The following ABI2 variants were observed in gnomAD, a reference collection of about 807,000 sequenced individuals.
The protein encoded by ABI2 is abl interactor 2.
A neutral mutation model predicts 59.2 loss-of-function variants in ABI2; 25 were observed. That is an observed-to-expected ratio of 0.42 (90% CI 0.31 to 0.59). ABI2 has a LOEUF of 0.59. Among genes scored for constraint, ABI2 ranks in the 20% least tolerant of loss-of-function variants. The probability of loss-of-function intolerance (pLI) is 0.14; values close to 1 mark genes in which losing one functional copy is unlikely to be tolerated. For synonymous variants in ABI2, 213 were observed against 235.5 expected, an observed-to-expected ratio of 0.90 and a Z score of 0.87; for missense variants, 545 against 681.8, an observed-to-expected ratio of 0.80 and a Z score of 2.23.
At chr2:203,426,605 C>T (rs1385294694) in intron 11 of ABI2, among the ~76,000 whole-genome samples, 1 of 151,864 alleles carries the variant, frequency 6.6e-6, no homozygotes, top group African/African-American at 2.4e-5. Flanking sequence ...TAGCGGACTC[C>T]CATCATTCAT....
At chr2:203,355,182 T>C in intron 1 of ABI2, 1 of 413,346 alleles carries the variant, frequency 2.4e-6, no homozygotes, top group Non-Finnish European at 5.0e-6. Context: ...GCATATCCTC[T>C]GGTGCTTCCT....
At chr2:203,356,432 G>A (rs2091998017) in intron 1 of ABI2, among the ~76,000 whole-genome samples, 1 of 152,108 alleles carries the variant, frequency 6.6e-6, no homozygotes, top group African/African-American at 2.4e-5. Flanking sequence ...GCATTGGCGT[G>A]ATCTTGGCTC....
intron 1 of ABI2, among the ~76,000 whole-genome samples, chr2:203,350,917 A>AT (rs1163519564): frequency 4.6e-5 from 7 of 151,566 alleles, no homozygotes; most frequent in African/African-American, 1.7e-4. Flanking sequence ...TTTAGGTGTT[A>AT]TATATAAGAA....
intron 1 of ABI2, among the ~76,000 whole-genome samples, chr2:203,334,739 C>G (rs1203892455): frequency 6.6e-6 from 1 of 151,544 alleles, no homozygotes; most frequent in Non-Finnish European, 1.5e-5. Context: ...CAGCTTACTG[C>G]AACCTCTGCC....
intron 2 of ABI2, among the ~76,000 whole-genome samples, chr2:203,374,661 TGTTA>T (rs1374092962): frequency 6.6e-6 from 1 of 152,174 alleles, no homozygotes; most frequent in African/African-American, 2.4e-5. Context: ...AAAATTACTC[TGTTA>T]GTAACTAATT....
chr2:203,410,662 A>G (rs1011762114), intron 9 of ABI2, among the ~76,000 whole-genome samples: 4 of 152,220 alleles, frequency 2.6e-5, no homozygotes, highest in Non-Finnish European at 5.9e-5. Context: ...CCCGATTCTC[A>G]GAGGACGGTT....
chr2:203,364,497 C>G (rs1376139976), intron 1 of ABI2, among the ~76,000 whole-genome samples: 1 of 152,152 alleles, frequency 6.6e-6, no homozygotes, highest in African/African-American at 2.4e-5. Context: ...ATCCGTAGAG[C>G]AGATAAACGA....
Position 203,427,426 on chromosome 2 carries a change from C to CA in ABI2, c.*75dup. 7.6e-7 allele frequency: 1 copy of CA among 1,321,990 alleles called. No individual in the cohort carries two copies. The highest frequency in any genetic ancestry group is 2.2e-5 in the Admixed American group (1 of 44,992). 81.9% of individuals were successfully genotyped at this position (1,321,990 alleles called of 1,614,324 possible). A position where few individuals can be genotyped will look rare whatever the true frequency, so the allele number is the denominator to read the frequency against. On this transcript the variant is annotated 3_prime_UTR_variant, in exon 12 of 12. Transcript: ENST00000261018. ...GATTATCTGAAGGCCCTGGGGATTCCACTCCAGTAAAGTAGAATGAAGGAT... is the reference window on the plus strand; with the variant it reads ...GATTATCTGAAGGCCCTGGGGATTCCAACTCCAGTAAAGTAGAATGAAGGAT...
intron 2 of ABI2, among the ~76,000 whole-genome samples, chr2:203,375,068 ATCC>A (rs1203078758): frequency 2.0e-5 from 3 of 152,204 alleles, no homozygotes; most frequent in Non-Finnish European, 2.9e-5. Flanking sequence ...CATAAGAGGT[ATCC>A]TTAAGGAACC....
At chr2:203,411,050 T>C (rs1043271217) in intron 9 of ABI2, among the ~76,000 whole-genome samples, 1 of 151,798 alleles carries the variant, frequency 6.6e-6, no homozygotes, top group African/African-American at 2.4e-5. Context: ...ATATTTAACA[T>C]ATCTGTGTAT....
chr2:203,376,152 G>T, intron 2 of ABI2: 3 of 1,511,420 alleles, frequency 2.0e-6, no homozygotes, highest in African/African-American at 2.8e-5. Flanking sequence ...CAGCTAATTA[G>T]TCCTTCCTCT....
rs918263282 is a variant in ABI2, at chr2:203,430,204, C to T, written c.*2852C>T. 1.4e-4 allele frequency: 21 copies of T among 151,620 alleles called. No homozygotes were observed. The highest frequency in any genetic ancestry group is 2.4e-4 in the Non-Finnish European group (16 of 67,726). 9.4% of individuals were successfully genotyped at this position (151,620 alleles called of 1,614,324 possible). On this transcript the variant is annotated 3_prime_UTR_variant, in exon 12 of 12. Coordinates refer to ENST00000261018, the MANE Select transcript of ABI2 (RefSeq NM_001375670.1). Reference sequence around the variant, plus strand: ...TTTTTGTTTTATTGTAAGTTTCCCTCTTTTTTTATAAATTAAAAGATGGTT... The same window carrying T: ...TTTTTGTTTTATTGTAAGTTTCCCTTTTTTTTTATAAATTAAAAGATGGTT...
chr2:203,420,286 AT>A (rs1237682953), intron 11 of ABI2, among the ~76,000 whole-genome samples: 1 of 152,188 alleles, frequency 6.6e-6, no homozygotes, highest in Non-Finnish European at 1.5e-5. Flanking sequence ...TTGTAAAGCC[AT>A]CTATTCTTTT....
intron 1 of ABI2, among the ~76,000 whole-genome samples, chr2:203,357,321 C>T (rs2092380533): frequency 6.6e-6 from 1 of 152,156 alleles, no homozygotes; most frequent in African/African-American, 2.4e-5. Context: ...AAGATAGTAG[C>T]AGAGCTAGAA....
At position 203,370,375 on chromosome 2, in the gene ABI2, AC is replaced by A. The variant is rs200380182; in HGVS notation, c.285+3333del. Among the ~76,000 whole-genome samples the A allele has an allele frequency of 2.2e-3, 330 of 152,230 alleles. 7 individuals are homozygous for A. In the East Asian group the frequency reaches 0.051, roughly 23 times the overall value. On this transcript the variant is annotated intron_variant, in intron 2 of 11. Coordinates refer to ENST00000261018, the MANE Select transcript of ABI2 (RefSeq NM_001375670.1). Reference sequence around the variant, plus strand: ...AGTGCTGGGATTACAGGCATGAGCCACCATGCCCAGCAAAGAGAGATGACAT... The same window carrying A: ...AGTGCTGGGATTACAGGCATGAGCCACATGCCCAGCAAAGAGAGATGACAT...
intron 1 of ABI2, chr2:203,329,009 G>A (rs2070718360): frequency 5.9e-6 from 1 of 170,602 alleles, no homozygotes; most frequent in African/African-American, 2.4e-5. Context: ...GGTGTCGCGG[G>A]TGTTGACGGG....
chr2:203,370,451 GTTTTC>G (rs1231023882), intron 2 of ABI2, among the ~76,000 whole-genome samples: 1 of 151,788 alleles, frequency 6.6e-6, no homozygotes, highest in Non-Finnish European at 1.5e-5. Context: ...GTTTAATTAC[GTTTTC>G]TTTTCTTTTT....
chr2:203,338,928 GTA>G (rs1174151663), intron 1 of ABI2, among the ~76,000 whole-genome samples: 49 of 4,352 alleles, frequency 0.011, 1 homozygote, highest in South Asian at 0.023. Flanking sequence ...GTGTGTGTGT[GTA>G]TATGTATATA....
intron 1 of ABI2, among the ~76,000 whole-genome samples, chr2:203,356,910 A>G (rs1014457760): frequency 6.6e-6 from 1 of 152,128 alleles, no homozygotes; most frequent in Non-Finnish European, 1.5e-5. Flanking sequence ...GGTACAGAGT[A>G]TACTTCACAT....
Sources: gnomAD v4.1 joint callset for allele counts (sites outside exome capture counted in the v4.1 genomes callset) on GRCh38, gnomAD v4.1.1 for gene constraint, MANE v1.5 for transcripts, NCBI Gene and HGNC (gene_info 2026-07-23, HGNC 2026-07-21) for gene names.